Variants in XKR6 observed in about 807,000 individuals in gnomAD.
The protein encoded by XKR6 is XK-related protein 6.
Under a neutral mutation model 56.7 loss-of-function variants are expected in XKR6, and 22 were observed. The observed-to-expected ratio is 0.39, with a 90% CI of 0.28 to 0.55. The LOEUF (loss-of-function observed/expected upper bound fraction) is 0.55. XKR6 is among the 20% of genes least tolerant of loss of function. The pLI is 0.66. For synonymous variants in XKR6, 524 were observed against 387.8 expected (o/e 1.35, Z -4.13); for missense variants, 852 against 889.0 (o/e 0.96, Z 0.53).
At chr8:11,182,965 G>A (rs1324183341) in intron 1 of XKR6, among the ~76,000 whole-genome samples, 1 of 152,166 alleles carries the variant, frequency 6.6e-6, no homozygotes. Context: ...GAATCACATA[G>A]TGTTTGTCCT....
At chr8:10,953,472 G>C (rs144437036) in intron 1 of XKR6, among the ~76,000 whole-genome samples, 370 of 152,238 alleles carry the variant, frequency 2.4e-3, no homozygotes, top group African/African-American at 8.5e-3. Flanking sequence ...ACAGCCTGTA[G>C]AACTGTGAGC....
At chr8:11,103,546 C>A (rs980680797) in intron 1 of XKR6, among the ~76,000 whole-genome samples, 4 of 152,160 alleles carry the variant, frequency 2.6e-5, no homozygotes, top group Non-Finnish European at 5.9e-5. Flanking sequence ...AAATGGCATG[C>A]TAATCCATTC....
intron 1 of XKR6, among the ~76,000 whole-genome samples, chr8:11,180,876 C>T (rs1012375434): frequency 3.9e-5 from 6 of 152,206 alleles, no homozygotes; most frequent in African/African-American, 1.4e-4. Context: ...TATTGCACTA[C>T]AGCCTGAGCA....
In XKR6 at chr8:11,001,466, T is replaced by C. The variant is rs1435452280; in HGVS notation, c.765-76636A>G. Among the ~76,000 whole-genome samples, 4 of 152,200 alleles carry C rather than the reference T, an allele frequency of 2.6e-5. No homozygotes were observed. The East Asian group carries it at 7.7e-4, about 29-fold the overall frequency. On this transcript the variant is annotated intron_variant, in intron 1 of 2. Coordinates refer to ENST00000416569, the MANE Select transcript of XKR6 (RefSeq NM_173683.4). ...CTAGACTCTCGAATATTCAAACTAT[T>C]ACCTCTGCAAAGATAGGAGTTTATC...
intron 1 of XKR6, among the ~76,000 whole-genome samples, chr8:10,952,850 A>G (rs1235396118): frequency 6.6e-6 from 1 of 152,160 alleles, no homozygotes; most frequent in Non-Finnish European, 1.5e-5. Flanking sequence ...CCAGCTGCAC[A>G]GCAGGAGGTG....
At chr8:10,972,343 T>C (rs149705494) in intron 1 of XKR6, among the ~76,000 whole-genome samples, 1 of 152,332 alleles carries the variant, frequency 6.6e-6, no homozygotes, top group East Asian at 1.9e-4. Context: ...AATTCTTTCC[T>C]GCTGAGCTGA....
chr8:11,119,202 A>G (rs917751088), intron 1 of XKR6, among the ~76,000 whole-genome samples: 1 of 151,980 alleles, frequency 6.6e-6, no homozygotes, highest in Non-Finnish European at 1.5e-5. Flanking sequence ...GTTCTTTTAC[A>G]TTTGCTGAGG....
intron 1 of XKR6, among the ~76,000 whole-genome samples, chr8:10,948,848 C>T (rs1801630380): frequency 6.6e-6 from 1 of 152,196 alleles, no homozygotes; most frequent in Non-Finnish European, 1.5e-5. Flanking sequence ...GAAACAGGCT[C>T]AAAATAGAAG....
At chr8:10,908,274 A>G (rs1218026725) in intron 2 of XKR6, among the ~76,000 whole-genome samples, 2 of 152,098 alleles carry the variant, frequency 1.3e-5, no homozygotes, top group Admixed American at 6.5e-5. Context: ...CTGTGTAGGT[A>G]TTGTAAACTG....
intron 1 of XKR6, among the ~76,000 whole-genome samples, chr8:11,003,309 C>T (rs1419958610): frequency 6.6e-6 from 1 of 152,078 alleles, no homozygotes; most frequent in East Asian, 1.9e-4. Context: ...ATCATCACCA[C>T]CATCACCACC....
chr8:11,160,110 T>A (rs1223049339), intron 1 of XKR6, among the ~76,000 whole-genome samples: 2 of 152,104 alleles, frequency 1.3e-5, no homozygotes, highest in Non-Finnish European at 2.9e-5. Context: ...GAAAAAATGT[T>A]GTCAAACAAA....
chr8:10,991,264 G>C (rs1343765250), intron 1 of XKR6, among the ~76,000 whole-genome samples: 1 of 152,070 alleles, frequency 6.6e-6, no homozygotes. Flanking sequence ...TGCTGGTCAT[G>C]GTGCAGAAAA....
intron 1 of XKR6, chr8:11,108,241 C>G (rs1396292512): frequency 6.6e-6 from 3 of 453,644 alleles, no homozygotes; most frequent in African/African-American, 6.0e-5. Flanking sequence ...ATTGTAAAAT[C>G]TGTAAGGAAT....
At chr8:10,918,451 AGTC>A (rs1358596543) in intron 2 of XKR6, among the ~76,000 whole-genome samples, 1 of 152,250 alleles carries the variant, frequency 6.6e-6, no homozygotes, top group Non-Finnish European at 1.5e-5. Flanking sequence ...TGGACTTGAC[AGTC>A]CACATCCATG....
intron 1 of XKR6, among the ~76,000 whole-genome samples, chr8:11,149,610 C>G (rs7012937): frequency 4.0e-5 from 6 of 150,598 alleles, no homozygotes; most frequent in African/African-American, 9.8e-5. Flanking sequence ...CTATGCTTCA[C>G]GTTAAAAAAA....
intron 1 of XKR6, among the ~76,000 whole-genome samples, chr8:11,192,213 C>G (rs1055268669): frequency 6.6e-6 from 1 of 151,874 alleles, no homozygotes; most frequent in Non-Finnish European, 1.5e-5. Context: ...GGCTGCAGTG[C>G]AGTGGCACGA....
intron 1 of XKR6, among the ~76,000 whole-genome samples, chr8:10,938,314 G>T (rs1303361376): frequency 6.6e-6 from 1 of 152,210 alleles, no homozygotes; most frequent in Non-Finnish European, 1.5e-5. Context: ...ACTCCCTAGT[G>T]AGATGAACCC....
intron 1 of XKR6, among the ~76,000 whole-genome samples, chr8:11,014,494 G>C (rs187121769): frequency 1.3e-4 from 20 of 152,268 alleles, no homozygotes; most frequent in African/African-American, 4.6e-4. Flanking sequence ...AGTAAGGTTG[G>C]AGCCTCCCCT....
At chr8:11,151,752 C>G (rs1416980859) in intron 1 of XKR6, among the ~76,000 whole-genome samples, 3 of 151,668 alleles carry the variant, frequency 2.0e-5, no homozygotes, top group South Asian at 4.2e-4. Flanking sequence ...ACGTTCCCTT[C>G]TGCCTTACAT....
Sources: gnomAD v4.1 joint callset for allele counts (sites outside exome capture counted in the v4.1 genomes callset) on GRCh38, gnomAD v4.1.1 for gene constraint, MANE v1.5 for transcripts, NCBI Gene and HGNC (gene_info 2026-07-23, HGNC 2026-07-21) for gene names.